ATP13A2: variants seen among roughly 807,000 people sequenced by gnomAD.
The protein encoded by ATP13A2 is polyamine-transporting ATPase 13A2.
Under a neutral mutation model 138.3 loss-of-function variants are expected in ATP13A2, and 83 were observed. The ratio of observed to expected loss-of-function variants is 0.60; its 90% CI spans 0.50 to 0.72. ATP13A2 has a LOEUF of 0.72. ATP13A2 is among the 30% of genes least tolerant of loss of function. The pLI is 0.00. For missense variants in ATP13A2, 1,402 were observed against 1,606.4 expected, an observed-to-expected ratio of 0.87 and a Z score of 2.17; for synonymous variants, 663 against 699.0, an observed-to-expected ratio of 0.95 and a Z score of 0.81.
chr1:17,010,424 A>G (rs2077742323), intron 1 of ATP13A2, among the ~76,000 whole-genome samples: 1 of 152,066 alleles, frequency 6.6e-6, no homozygotes, highest in Admixed American at 6.6e-5. Flanking sequence ...AGTGCTCACC[A>G]TGCCCTGCGG....
intron 1 of ATP13A2, among the ~76,000 whole-genome samples, chr1:17,006,561 TGTTTCCTTGCGTGTGTCG>T (rs924152006): frequency 5.3e-5 from 8 of 152,128 alleles, no homozygotes; most frequent in Admixed American, 2.0e-4. Context: ...AGTAGTGTCT[TGTTTCCTTGCGTGTGTCG>T]GTCTTTCTGC....
intron 1 of ATP13A2, among the ~76,000 whole-genome samples, chr1:17,008,292 C>G (rs1431666219): frequency 1.3e-5 from 2 of 152,186 alleles, no homozygotes; most frequent in Non-Finnish European, 2.9e-5. Flanking sequence ...CAGGCACAGG[C>G]CACCATGCCC....
chr1:16,995,980 T>C lies in ATP13A2; in HGVS notation c.1538A>G (p.Asp513Gly). Residue 513 changes from aspartate to glycine, a missense_variant, in exon 15 of 29, where the codon GAC becomes GGC. Coordinates refer to ENST00000326735, the MANE Select transcript of ATP13A2 (RefSeq NM_022089.4). This position sits in a 1 kb window ranked among gnomAD's most constrained non-coding sequence, Gnocchi z 4.1. ...CAACCCCACCTGCGGCCCCACCTTG[T>C]CGAAACACACCAGCTGCAGCTTGCC... ...LGGKLQLVCFDKTGTLTEDGL... is the reference protein window; with the variant it reads ...LGGKLQLVCFGKTGTLTEDGL... 1 of 1,613,940 alleles carries C rather than the reference T, an allele frequency of 6.2e-7. No individual in the cohort carries two copies. The highest frequency in any genetic ancestry group is 8.5e-7 in the Non-Finnish European group (1 of 1,180,014).
At position 17,011,841 on chromosome 1, in the gene ATP13A2, G is replaced by C. The variant is rs1380865909; in HGVS notation, c.-103C>G. 3 of 1,040,954 alleles carry C rather than the reference G, an allele frequency of 2.9e-6. No individual in the cohort carries two copies. Among genetic ancestry groups the C allele is most frequent in the Non-Finnish European group, 3.5e-6 (3 of 861,596 alleles). 64.5% of individuals were successfully genotyped at this position (1,040,954 alleles called of 1,614,324 possible). On this transcript the variant is annotated 5_prime_UTR_variant, in exon 1 of 29. Coordinates refer to ENST00000326735, the MANE Select transcript of ATP13A2 (RefSeq NM_022089.4). This position sits in a 1 kb window ranked among gnomAD's most constrained non-coding sequence, Gnocchi z 7.3. ...GGGGGCGCGGTCCGGACGGCCCGGG[G>C]CGAGGGGCGCTGGGCTAGCGCGGGG...
At chr1:16,994,541 T>G (rs1449444610) in intron 15 of ATP13A2, among the ~76,000 whole-genome samples, 1 of 151,694 alleles carries the variant, frequency 6.6e-6, no homozygotes, top group Non-Finnish European at 1.5e-5. Context: ...CCTCAATATA[T>G]CTGTTGAATG....
At chr1:16,996,532 C>G in intron 12 of ATP13A2, 36 bp from the exon 13 acceptor site, 1 of 1,572,988 alleles carries the variant, frequency 6.4e-7, no homozygotes, top group Non-Finnish European at 8.7e-7. Flanking sequence ...GCAGGGAAGC[C>G]AGGGTGAGGG....
chr1:16,985,967 A>G lies in ATP13A2; in HGVS notation c.*254T>C, dbSNP rs943308193. ...AGACAGGCACAGCAGAGCCAGGAAA[A>G]TATCATGACTTTATTTGCTACACTG... On this transcript the variant is annotated 3_prime_UTR_variant, in exon 29 of 29. Transcript: ENST00000326735. 31 of 1,439,794 alleles carry G rather than the reference A, an allele frequency of 2.2e-5. No homozygotes were observed. Among genetic ancestry groups the G allele is most frequent in the Admixed American group, 3.0e-5 (1 of 33,232 alleles). 89.2% of individuals were successfully genotyped at this position (1,439,794 alleles called of 1,614,324 possible).
chr1:16,988,147 G>T lies in ATP13A2; in HGVS notation c.2850C>A (p.Ile950=). 6.2e-7 allele frequency: 1 copy of T among 1,613,346 alleles called. No individual in the cohort carries two copies. The highest frequency in any genetic ancestry group is 1.1e-5 in the South Asian group (1 of 91,042). ...YSLTQFISVL[I]LYTINTNLGD... is the part of the protein sequence containing the mutation. ...CTCTGCAGATACTCACCGTGTAGAG[G>T]ATCAGGACGGAGATGAACTGGGTCA... The change falls in exon 25 of 29, where the codon ATC becomes ATA. Residue 950 remains isoleucine, a synonymous_variant. Coordinates refer to ENST00000326735, the MANE Select transcript of ATP13A2 (RefSeq NM_022089.4).
At chr1:16,997,217 C>G in intron 11 of ATP13A2, 42 bp from the exon 12 acceptor site, 1 of 1,611,688 alleles carries the variant, frequency 6.2e-7, no homozygotes, top group Non-Finnish European at 8.5e-7. Flanking sequence ...ACACCCCTCC[C>G]TCCCACCAGC....
rs912221175 is a variant in ATP13A2, at chr1:16,992,595, A to G, written c.1750-14T>C. The G allele has an allele frequency of 1.9e-6, 3 of 1,613,998 alleles. No individual in the cohort carries two copies. The African/African-American group carries it at 4.0e-5, about 22-fold the overall frequency. ...TTCCTCCAGGACCTGGCAGGCAGGC[A>G]GGGAAGTTTGGTGTCTGGGGGCTTT... On this transcript the variant is annotated splice_polypyrimidine_tract_variant and intron_variant, in intron 16 of 28. Transcript: ENST00000326735.
intron 16 of ATP13A2, among the ~76,000 whole-genome samples, chr1:16,992,998 C>T (rs1384889740): frequency 1.3e-5 from 2 of 151,524 alleles, no homozygotes; most frequent in African/African-American, 4.9e-5. Context: ...TTACTGCAAC[C>T]TCTGCCTCCC....
At position 17,000,422 on chromosome 1, in the gene ATP13A2, AG is replaced by A; in HGVS notation, c.817del (p.Leu273CysfsTer13). 6.2e-7 allele frequency: 1 copy of A among 1,613,920 alleles called. No homozygotes were observed. The highest frequency in any genetic ancestry group is 8.5e-7 in the Non-Finnish European group (1 of 1,179,900). On this transcript the variant is annotated frameshift_variant, in exon 9 of 29. Transcript: ENST00000326735. LOFTEE classifies it high-confidence loss of function. ...CACCTTTCTGGTCTTGTACAGCGAC[AG>A]GCAGATGGAGATGGAGGAAATGAGG... ...IFLISSISIC[L>X]SLYKTRKQSQ...
At chr1:17,007,341 C>A (rs980987319) in intron 1 of ATP13A2, among the ~76,000 whole-genome samples, 7 of 152,224 alleles carry the variant, frequency 4.6e-5, no homozygotes, top group Non-Finnish European at 7.4e-5. Flanking sequence ...ACCTGGAGCA[C>A]CTTTTACATA....
chr1:17,001,280 T>A (rs76143810), intron 8 of ATP13A2, among the ~76,000 whole-genome samples: 3 of 75,238 alleles, frequency 4.0e-5, no homozygotes, highest in African/African-American at 6.3e-5. Context: ...AAAAAAAAAT[T>A]AGCTGGGCGT....
At chr1:17,006,485 A>G (rs1001258673) in intron 1 of ATP13A2, among the ~76,000 whole-genome samples, 1 of 152,084 alleles carries the variant, frequency 6.6e-6, no homozygotes, top group African/African-American at 2.4e-5. Context: ...TCCTGACCTC[A>G]AGTGATCTGC....
At position 17,004,237 on chromosome 1, in the gene ATP13A2, T is replaced by C; in HGVS notation, c.557+95A>G. On this transcript the variant is annotated intron_variant, in intron 6 of 28. Transcript: ENST00000326735. This position sits in a 1 kb window ranked among gnomAD's most constrained non-coding sequence, Gnocchi z 4.1. ...TTTCAGACAGCAAAAGCATCAGAGC[T>C]GAGAGGGGAGCCCAGGCCATGCCAT... The C allele has an allele frequency of 7.6e-7, 1 of 1,312,644 alleles. No homozygotes were observed. The highest frequency in any genetic ancestry group is 1.1e-6 in the Non-Finnish European group (1 of 928,250). The allele number at this position is 1,312,644 out of a possible 1,614,324, so 81.3% of individuals were successfully genotyped here.
rs767586573 is a variant in ATP13A2 at position 16,992,595 on chromosome 1, AG to A, written c.1750-15del. 2.5e-6 allele frequency: 4 copies of A among 1,614,116 alleles called. No individual in the cohort carries two copies. The South Asian group carries it at 4.4e-5, about 18-fold the overall frequency. ...TTCCTCCAGGACCTGGCAGGCAGGC[AG>A]GGAAGTTTGGTGTCTGGGGGCTTTG... On this transcript the variant is annotated splice_polypyrimidine_tract_variant and intron_variant, in intron 16 of 28. Coordinates refer to ENST00000326735, the MANE Select transcript of ATP13A2 (RefSeq NM_022089.4).
chr1:16,988,519 C>T, intron 23 of ATP13A2, 45 bp from the exon 24 acceptor site: 1 of 1,612,692 alleles, frequency 6.2e-7, no homozygotes, highest in Non-Finnish European at 8.5e-7. Context: ...ATTACCCCAC[C>T]ACCCCATGGG....
Position 17,011,800 on chromosome 1 carries a change from G to A in ATP13A2, c.-62C>T. 1 of 1,285,232 alleles carries A rather than the reference G, an allele frequency of 7.8e-7. No individual in the cohort carries two copies. The highest frequency in any genetic ancestry group is 1.6e-5 in the African/African-American group (1 of 63,210). 79.6% of individuals were successfully genotyped at this position (1,285,232 alleles called of 1,614,324 possible). ...CGGCCCTCGGCCTGGGCCCCGGCGT[G>A]CGCAAGGCCCTGGGCGGGGGCGCGG... is the stretch of plus-strand genomic sequence containing the variant. On this transcript the variant is annotated 5_prime_UTR_variant, in exon 1 of 29. Coordinates refer to ENST00000326735, the MANE Select transcript of ATP13A2 (RefSeq NM_022089.4). The surrounding 1 kb of genome is among the most constrained non-coding windows in gnomAD (Gnocchi z 7.3).
Sources: gnomAD v4.1 joint callset for allele counts (sites outside exome capture counted in the v4.1 genomes callset) on GRCh38, gnomAD v4.1.1 for gene constraint, Gnocchi (gnomAD v3.1) non-coding constraint, MANE v1.5 for transcripts, NCBI Gene and HGNC (gene_info 2026-07-23, HGNC 2026-07-21) for gene names.